SRGAP2: variants seen among roughly 807,000 people sequenced by gnomAD.
SRGAP2 encodes the protein SLIT-ROBO Rho GTPase-activating protein 2.
SRGAP2 carries 15 observed loss-of-function variants against 57.2 expected under a neutral mutation model. The ratio of observed to expected loss-of-function variants is 0.26; its 90% CI spans 0.18 to 0.40. The LOEUF is 0.40. Among genes scored for constraint, SRGAP2 ranks in the 10% least tolerant of loss-of-function variants. SRGAP2 has a pLI of 1.00. For synonymous variants in SRGAP2, 249 were observed against 248.0 expected (o/e 1.00, Z -0.04); for missense variants, 520 against 669.6 (o/e 0.78, Z 2.47).
intron 14 of SRGAP2, among the ~76,000 whole-genome samples, chr1:206,433,008 CTGA>C (rs1553368834): frequency 6.6e-6 from 1 of 152,146 alleles, no homozygotes; most frequent in East Asian, 1.9e-4. Context: ...AGTATTTCTC[CTGA>C]ATGCATATCA....
At chr1:206,384,571 T>TTGA (rs1166243868) in intron 5 of SRGAP2, among the ~76,000 whole-genome samples, 2 of 152,194 alleles carry the variant, frequency 1.3e-5, no homozygotes, top group African/African-American at 4.8e-5. Context: ...AGGGACCAGT[T>TTGA]TGAGCAGAGA....
chr1:206,399,191 G>C (rs1453250710), intron 7 of SRGAP2, among the ~76,000 whole-genome samples: 1 of 151,914 alleles, frequency 6.6e-6, no homozygotes, highest in Non-Finnish European at 1.5e-5. Flanking sequence ...AGAAAATAAA[G>C]GGAGTTGATG....
intron 2 of SRGAP2, among the ~76,000 whole-genome samples, chr1:206,250,560 CAGG>C (rs1668773421): frequency 9.6e-6 from 1 of 103,656 alleles, no homozygotes. Context: ...CTTCCATTGG[CAGG>C]AGATGTGTAG....
intron 17 of SRGAP2, among the ~76,000 whole-genome samples, chr1:206,444,603 C>T (rs544331590): frequency 6.6e-6 from 1 of 152,334 alleles, no homozygotes; most frequent in South Asian, 2.1e-4. Flanking sequence ...CAGCTTAAGC[C>T]TGCAGCACCT....
At chr1:206,443,643 C>T (rs1662505049) in intron 17 of SRGAP2, among the ~76,000 whole-genome samples, 1 of 152,162 alleles carries the variant, frequency 6.6e-6, no homozygotes, top group Non-Finnish European at 1.5e-5. Context: ...TCACAAAGTG[C>T]TGGGATTACA....
intron 2 of SRGAP2, among the ~76,000 whole-genome samples, chr1:206,272,863 G>A (rs1272563041): frequency 1.1e-4 from 17 of 152,136 alleles, no homozygotes; most frequent in Non-Finnish European, 1.5e-4. Flanking sequence ...CCCAAGGCGT[G>A]TTGTAGGTAC....
intron 2 of SRGAP2, among the ~76,000 whole-genome samples, chr1:206,256,393 G>T (rs1669186232): frequency 6.6e-6 from 1 of 151,838 alleles, no homozygotes; most frequent in African/African-American, 2.4e-5. Context: ...CTTAATGAAT[G>T]TTGAAGGATT....
intron 19 of SRGAP2, among the ~76,000 whole-genome samples, chr1:206,451,281 A>G (rs1553375824): frequency 6.6e-6 from 1 of 152,170 alleles, no homozygotes; most frequent in African/African-American, 2.4e-5. Context: ...AAGTACAGAC[A>G]TGCGAGTGCC....
At chr1:206,446,415 C>G (rs1662765004) in intron 18 of SRGAP2, 116 bp downstream of exon 18, 3 of 701,002 alleles carry the variant, frequency 4.3e-6, no homozygotes, top group Non-Finnish European at 7.8e-6. Context: ...ACTCCTCACT[C>G]CCAGGCTGCT....
chr1:206,234,761 C>T (rs1415444329), intron 2 of SRGAP2, among the ~76,000 whole-genome samples: 5 of 151,912 alleles, frequency 3.3e-5, no homozygotes, highest in Non-Finnish European at 1.5e-5. Flanking sequence ...GAGGGACAGT[C>T]CCACTTTTGC....
chr1:206,451,533 C>T (rs555386006), intron 19 of SRGAP2, among the ~76,000 whole-genome samples: 1 of 152,100 alleles, frequency 6.6e-6, no homozygotes, highest in East Asian at 1.9e-4. Flanking sequence ...CTGTTCCCTG[C>T]CTTGCTGGGA....
At chr1:206,218,099 A>G (rs1309463531) in intron 2 of SRGAP2, among the ~76,000 whole-genome samples, 1 of 152,184 alleles carries the variant, frequency 6.6e-6, no homozygotes, top group Non-Finnish European at 1.5e-5. Context: ...ACCTAAGGTC[A>G]GGAGTTCAAG....
chr1:206,341,963 A>T (rs1341560895), intron 3 of SRGAP2, among the ~76,000 whole-genome samples: 1 of 151,944 alleles, frequency 6.6e-6, no homozygotes, highest in African/African-American at 2.4e-5. Flanking sequence ...GTGCCACTGT[A>T]CTCCAGCCTG....
chr1:206,385,665 A>C (rs1656148307), intron 5 of SRGAP2, among the ~76,000 whole-genome samples: 1 of 151,710 alleles, frequency 6.6e-6, no homozygotes, highest in Non-Finnish European at 1.5e-5. Context: ...CTTTAAAAAA[A>C]AAAAAATAAG....
chr1:206,279,074 A>G, intron 2 of SRGAP2, among the ~76,000 whole-genome samples: 1 of 108,394 alleles, frequency 9.2e-6, no homozygotes, highest in Non-Finnish European at 1.8e-5. Flanking sequence ...TTCCATCTTT[A>G]TCGTCTTCTG....
chr1:206,451,046 G>A (rs954661416), intron 19 of SRGAP2, among the ~76,000 whole-genome samples: 11 of 144,846 alleles, frequency 7.6e-5, no homozygotes, highest in African/African-American at 2.8e-4. Context: ...AAGCCCAGGA[G>A]TTCAAGGCTG....
intron 12 of SRGAP2, among the ~76,000 whole-genome samples, chr1:206,420,299 C>G (rs192762088): frequency 6.6e-6 from 1 of 152,270 alleles, no homozygotes; most frequent in Admixed American, 6.5e-5. Flanking sequence ...ATTAATATAC[C>G]AGTCTTGATG....
intron 10 of SRGAP2, among the ~76,000 whole-genome samples, chr1:206,410,251 A>G (rs1659096829): frequency 6.6e-6 from 1 of 152,218 alleles, no homozygotes; most frequent in Admixed American, 6.5e-5. Flanking sequence ...GCTCAGGAAC[A>G]GCTCAGCAAT....
chr1:206,289,272 G>GTT (rs1328221138), intron 2 of SRGAP2, among the ~76,000 whole-genome samples: 20 of 116,532 alleles, frequency 1.7e-4, no homozygotes, highest in African/African-American at 5.6e-4. Context: ...AGATAAGGAG[G>GTT]TTTTTTTTTT....
Sources: allele counts gnomAD v4.1 joint callset (sites outside exome capture counted in the v4.1 genomes callset), GRCh38; gene constraint gnomAD v4.1.1; transcripts MANE v1.5; gene names NCBI Gene and HGNC (gene_info 2026-07-23, HGNC 2026-07-21).